C13orf46: variants seen among roughly 807,000 people sequenced by gnomAD.
C13orf46 encodes uncharacterized protein C13orf46.
At chr13:113,951,478 C>A (rs1195652749), downstream of C13orf46, among the ~76,000 whole-genome samples, 2 of 152,194 alleles carry the variant, frequency 1.3e-5, no homozygotes, top group African/African-American at 4.8e-5. Context: ...CTCCCCCCCG[C>A]CGCCACCAAC....
At chr13:113,927,716 G>A in the C13orf46 span, 14 of 397,992 alleles carry the variant, frequency 3.5e-5, no homozygotes, top group Middle Eastern at 6.2e-4. Context: ...ATTCACCAGC[G>A]TTTCCAGCTC....
Position 113,963,322 on chromosome 13 carries a change from C to A in C13orf46, c.572+1605G>T, listed in dbSNP as rs1261319025. ...CTTCACCCCTGTCCTCAGCCTCGGTCCCTGTCCTCAGCCCTCGCCCCGTCC... is the reference window on the plus strand; with the variant it reads ...CTTCACCCCTGTCCTCAGCCTCGGTACCTGTCCTCAGCCCTCGCCCCGTCC... On this transcript the variant is annotated intron_variant, in intron 6 of 6. Coordinates refer to ENST00000636427, the MANE Select transcript of C13orf46 (RefSeq NM_001365455.2). 2.8e-5 allele frequency among the ~76,000 whole-genome samples: 3 copies of A among 107,046 alleles called. 1 individual carries two copies. Among genetic ancestry groups the A allele is most frequent in the African/African-American group, 9.0e-5 (3 of 33,446 alleles). The allele number at this position is 107,046 out of a possible 152,430, so 70.2% of individuals were successfully genotyped here.
chr13:113,957,730 C>T, intron 6 of C13orf46, among the ~76,000 whole-genome samples: 1 of 143,002 alleles, frequency 7.0e-6, no homozygotes, highest in Non-Finnish European at 1.5e-5. Context: ...GGGGTCTCCC[C>T]TGCACTCTGC....
At chr13:113,966,034 G>A (rs1450309541) in intron 5 of C13orf46, among the ~76,000 whole-genome samples, 2 of 149,350 alleles carry the variant, frequency 1.3e-5, no homozygotes, top group Non-Finnish European at 3.0e-5. Context: ...GGTCATGATA[G>A]TGATGGTGAT....
At chr13:113,940,060 GA>G in the C13orf46 span, among the ~76,000 whole-genome samples, 1 of 152,196 alleles carries the variant, frequency 6.6e-6, no homozygotes, top group Non-Finnish European at 1.5e-5. Context: ...GGCCACCTCA[GA>G]GGCCCCAAGA....
At chr13:113,930,352 C>T in the C13orf46 span, among the ~76,000 whole-genome samples, 22 of 85,148 alleles carry the variant, frequency 2.6e-4, 1 homozygote, top group East Asian at 2.4e-3. Context: ...GGAGGAGCAC[C>T]GAGGTGGGGG....
At chr13:113,937,695 CT>C in the C13orf46 span, among the ~76,000 whole-genome samples, 2 of 152,156 alleles carry the variant, frequency 1.3e-5, no homozygotes, top group Admixed American at 1.3e-4. Context: ...CGGATGAACG[CT>C]GGTTCGGTCC....
intron 6 of C13orf46, among the ~76,000 whole-genome samples, chr13:113,960,588 G>A (rs2052579462): frequency 1.3e-5 from 2 of 152,172 alleles, no homozygotes; most frequent in East Asian, 3.8e-4. Context: ...TAACTCTGCT[G>A]TTTAAGCAAC....
chr13:113,962,599 T>G (rs1015305051), intron 6 of C13orf46, among the ~76,000 whole-genome samples: 24 of 152,150 alleles, frequency 1.6e-4, no homozygotes, highest in Non-Finnish European at 2.6e-4. Flanking sequence ...GGGGAATTTG[T>G]GAGATGAGGT....
downstream of C13orf46, among the ~76,000 whole-genome samples, chr13:113,948,805 A>G (rs1257601526): frequency 6.6e-6 from 1 of 152,236 alleles, no homozygotes; most frequent in African/African-American, 2.4e-5. Flanking sequence ...AGAGATTTGT[A>G]TTGTGGTATA....
At chr13:113,945,807 C>T in the C13orf46 span, among the ~76,000 whole-genome samples, 2 of 152,184 alleles carry the variant, frequency 1.3e-5, no homozygotes, top group African/African-American at 4.8e-5. Context: ...TGTTTCTCTA[C>T]ATATTGACCC....
downstream of C13orf46, among the ~76,000 whole-genome samples, chr13:113,951,383 G>A (rs913270970): frequency 3.9e-3 from 594 of 152,308 alleles, 9 homozygotes; most frequent in East Asian, 0.047. Context: ...TTGCTTGTGG[G>A]AGGCGCCCGA....
chr13:113,930,704 A>G, the C13orf46 span, among the ~76,000 whole-genome samples: 48 of 152,310 alleles, frequency 3.2e-4, 2 homozygotes, highest in East Asian at 8.1e-3. Context: ...TCCCCTGGCC[A>G]CGGAAGCTGA....
chr13:113,944,384 C>G, the C13orf46 span, among the ~76,000 whole-genome samples: 1 of 152,242 alleles, frequency 6.6e-6, no homozygotes, highest in Non-Finnish European at 1.5e-5. Flanking sequence ...GGTGCCAGGG[C>G]AGGTTGCTGC....
intron 6 of C13orf46, among the ~76,000 whole-genome samples, chr13:113,958,508 G>A (rs906256629): frequency 6.6e-5 from 10 of 152,186 alleles, no homozygotes; most frequent in South Asian, 2.1e-4. Flanking sequence ...GACGTCTGCC[G>A]CGGTTCGTGA....
intron 5 of C13orf46, among the ~76,000 whole-genome samples, chr13:113,966,471 T>C (rs1013558937): frequency 3.4e-5 from 5 of 147,564 alleles, no homozygotes; most frequent in Non-Finnish European, 7.5e-5. Flanking sequence ...TGGTGATGAT[T>C]ATAATGGTGA....
chr13:113,954,920 G>GGAT lies in C13orf46; in HGVS notation c.*1852_*1853insATC. The stretch of plus-strand genomic sequence containing the variant: ...GAGCATCTGGCGGAGACGAGGAGGA[G>GGAT]CATCTGGCGGAGACGAGGAGGAGGA... On this transcript the variant is annotated 3_prime_UTR_variant, in exon 7 of 7. Coordinates refer to ENST00000636427, the MANE Select transcript of C13orf46 (RefSeq NM_001365455.2). 5.7e-6 allele frequency: 1 copy of GGAT among 174,524 alleles called. No individual in the cohort carries two copies. The highest frequency in any genetic ancestry group is 1.2e-5 in the Non-Finnish European group (1 of 83,722). 10.8% of individuals were successfully genotyped at this position (174,524 alleles called of 1,614,324 possible). A position where few individuals can be genotyped will look rare whatever the true frequency, so the allele number is the denominator to read the frequency against.
chr13:113,972,785 C>T (rs2052722608), intron 1 of C13orf46, among the ~76,000 whole-genome samples: 1 of 152,224 alleles, frequency 6.6e-6, no homozygotes, highest in Non-Finnish European at 1.5e-5. Context: ...TCACCAGGGC[C>T]TTCTTGCAAA....
At chr13:113,947,798 C>G in the C13orf46 span, among the ~76,000 whole-genome samples, 1 of 152,328 alleles carries the variant, frequency 6.6e-6, no homozygotes, top group Non-Finnish European at 1.5e-5. Context: ...AGGCTGACCC[C>G]GTGACACTTC....
Sources: gnomAD v4.1 joint callset for allele counts (sites outside exome capture counted in the v4.1 genomes callset) on GRCh38, gnomAD v4.1.1 for gene constraint, MANE v1.5 for transcripts, NCBI Gene and HGNC (gene_info 2026-07-23, HGNC 2026-07-21) for gene names.